Variants in CLASP1 observed in about 807,000 individuals in gnomAD.
CLASP1 encodes the protein cytoplasmic linker associated protein 1.
CLASP1 carries 38 observed loss-of-function variants against 192.3 expected under a neutral mutation model. The observed-to-expected ratio is 0.20, with a 90% CI of 0.15 to 0.26. The LOEUF (loss-of-function observed/expected upper bound fraction) is 0.26, where lower values mean the gene tolerates loss of function less well. Among genes scored for constraint, CLASP1 ranks in the 10% least tolerant of loss-of-function variants. The pLI is 1.00. For synonymous variants in CLASP1, 691 were observed against 712.8 expected (o/e 0.97, Z 0.49); for missense variants, 1,433 against 1,932.5 (o/e 0.74, Z 4.85).
chr2:121,542,773 T>C (rs2095259878), intron 2 of CLASP1, among the ~76,000 whole-genome samples: 1 of 152,228 alleles, frequency 6.6e-6, no homozygotes, highest in South Asian at 2.1e-4. Flanking sequence ...CTATTACCAG[T>C]AATTGTCCAT....
chr2:121,575,962 C>T (rs531365965), intron 2 of CLASP1, among the ~76,000 whole-genome samples: 24 of 152,306 alleles, frequency 1.6e-4, no homozygotes, highest in Admixed American at 1.3e-3. Flanking sequence ...ACTTACGTAG[C>T]TAAGAGCATG....
chr2:121,362,639 G>A (rs562690479), intron 37 of CLASP1, among the ~76,000 whole-genome samples: 154 of 152,332 alleles, frequency 1.0e-3, no homozygotes, highest in Non-Finnish European at 1.8e-3. Context: ...GTTGGCAGGC[G>A]CTGGGCTGGA....
Position 121,574,634 on chromosome 2 carries a change from C to CAA in CLASP1, c.195+31065_195+31066dup, listed in dbSNP as rs1173756631. Among the ~76,000 whole-genome samples, 225 of 78,968 alleles carry CAA rather than the reference C, an allele frequency of 2.8e-3. 1 individual carries two copies. Among genetic ancestry groups the CAA allele is most frequent in the East Asian group, 0.021 (64 of 3,014 alleles). 51.8% of individuals were successfully genotyped at this position (78,968 alleles called of 152,430 possible). A position where few individuals can be genotyped will look rare whatever the true frequency, so the allele number is the denominator to read the frequency against. On this transcript the variant is annotated intron_variant, in intron 2 of 39. Transcript: ENST00000263710. ...TGGGTGACAGAGCAAGACTCCATAT[C>CAA]AAAAAAAAAAAAAAAAAACAAAAAC...
intron 1 of CLASP1, among the ~76,000 whole-genome samples, chr2:121,616,115 T>TAAATTAC (rs1399837972): frequency 7.2e-5 from 11 of 152,094 alleles, no homozygotes; most frequent in Admixed American, 7.2e-4. Context: ...AAGAAGGAAT[T>TAAATTAC]AAATTACCAG....
At chr2:121,484,823 G>T (rs2092858279) in intron 8 of CLASP1, among the ~76,000 whole-genome samples, 2 of 152,198 alleles carry the variant, frequency 1.3e-5, no homozygotes, top group Non-Finnish European at 2.9e-5. Flanking sequence ...CAGGCTAGTT[G>T]CCACCTGACT....
chr2:121,355,882 T>G (rs2065287837), intron 37 of CLASP1, among the ~76,000 whole-genome samples: 1 of 152,244 alleles, frequency 6.6e-6, no homozygotes, highest in African/African-American at 2.4e-5. Context: ...CATCAAAAAC[T>G]ATTCCAATTC....
chr2:121,581,727 A>C (rs1426148519), intron 2 of CLASP1, among the ~76,000 whole-genome samples: 3 of 152,178 alleles, frequency 2.0e-5, no homozygotes, highest in Admixed American at 1.3e-4. Context: ...TCTAAAAACA[A>C]TTTTAAAATT....
At chr2:121,589,049 C>T (rs1211711778) in intron 2 of CLASP1, among the ~76,000 whole-genome samples, 1 of 152,146 alleles carries the variant, frequency 6.6e-6, no homozygotes, top group Admixed American at 6.6e-5. Context: ...TCATAAACAG[C>T]ATGAACACAA....
rs550063068 is a variant in CLASP1, at chr2:121,444,606, A to C, written c.1912+2731T>G. Reference sequence around the variant, plus strand: ...CTAAGGTAGTGCTTCAGGAGTAATAAAACCCAAGACAGGCAGTCCATGAGG... The same window carrying C: ...CTAAGGTAGTGCTTCAGGAGTAATACAACCCAAGACAGGCAGTCCATGAGG... On this transcript the variant is annotated intron_variant, in intron 19 of 39. Transcript: ENST00000263710. 2.1e-3 allele frequency among the ~76,000 whole-genome samples: 321 copies of C among 152,290 alleles called. 1 individual carries two copies. Among genetic ancestry groups the C allele is most frequent in the African/African-American group, 6.2e-3 (259 of 41,550 alleles).
At chr2:121,522,704 GA>G (rs1391335268) in intron 6 of CLASP1, among the ~76,000 whole-genome samples, 1 of 152,140 alleles carries the variant, frequency 6.6e-6, no homozygotes, top group Non-Finnish European at 1.5e-5. Flanking sequence ...TTTTGGTAGT[GA>G]AACTAGTGTC....
chr2:121,517,572 G>A (rs1408189530), intron 6 of CLASP1, among the ~76,000 whole-genome samples: 2 of 152,096 alleles, frequency 1.3e-5, no homozygotes, highest in Non-Finnish European at 2.9e-5. Context: ...ATGCAATTAA[G>A]GGCCGAGCAT....
At chr2:121,566,352 G>A (rs1350706773) in intron 2 of CLASP1, among the ~76,000 whole-genome samples, 4 of 152,142 alleles carry the variant, frequency 2.6e-5, no homozygotes, top group African/African-American at 9.7e-5. Flanking sequence ...AAACTGTATT[G>A]CTCTGTAATG....
At chr2:121,626,715 G>A (rs549327672) in intron 1 of CLASP1, among the ~76,000 whole-genome samples, 16 of 152,160 alleles carry the variant, frequency 1.1e-4, no homozygotes, top group African/African-American at 1.9e-4. Flanking sequence ...GTGAGCCACC[G>A]CACCTGGCCA....
At chr2:121,427,789 A>C (rs1485909805) in intron 20 of CLASP1, among the ~76,000 whole-genome samples, 4 of 152,190 alleles carry the variant, frequency 2.6e-5, no homozygotes, top group African/African-American at 9.7e-5. Flanking sequence ...ATAAACATCA[A>C]CTAACTGAAA....
At chr2:121,548,650 G>A (rs533205705) in intron 2 of CLASP1, among the ~76,000 whole-genome samples, 1 of 152,130 alleles carries the variant, frequency 6.6e-6, no homozygotes, top group South Asian at 2.1e-4. Flanking sequence ...GGATGTTAAA[G>A]GCAGCTAGAG....
At chr2:121,605,784 C>T in exon 2 of CLASP1, 1 of 1,614,016 alleles carries the variant, frequency 6.2e-7, no homozygotes, top group Non-Finnish European at 8.5e-7. Context: ...TCAAGGTCAG[C>T]AGACTTCTGT....
In CLASP1 at chr2:121,507,542, T is replaced by C. The variant is rs2093979169; in HGVS notation, c.645-4308A>G. ...GGTACTTTTCAAAGGACTTTTTGGG[T>C]CAGATACTTTGCCCTAGTTGTTATC... On this transcript the variant is annotated intron_variant, in intron 7 of 39. Coordinates refer to ENST00000263710, the Ensembl canonical transcript of CLASP1. Among the ~76,000 whole-genome samples, 3 of 152,312 alleles carry C rather than the reference T, an allele frequency of 2.0e-5. No individual in the cohort carries two copies. The South Asian group carries it at 6.2e-4, about 32-fold the overall frequency.
intron 30 of CLASP1, among the ~76,000 whole-genome samples, chr2:121,388,446 A>C (rs1307977691): frequency 6.6e-6 from 1 of 152,228 alleles, no homozygotes; most frequent in African/African-American, 2.4e-5. Context: ...TTTGAGAAGC[A>C]AATCAGATTT....
At chr2:121,394,412 G>GT (rs959392658) in intron 30 of CLASP1, among the ~76,000 whole-genome samples, 4 of 152,156 alleles carry the variant, frequency 2.6e-5, no homozygotes, top group Non-Finnish European at 5.9e-5. Flanking sequence ...CTTTCTTTCA[G>GT]TACCTTCAAT....
Sources: gnomAD v4.1 joint callset for allele counts (sites outside exome capture counted in the v4.1 genomes callset) on GRCh38, gnomAD v4.1.1 for gene constraint, MANE v1.5 for transcripts, NCBI Gene and HGNC (gene_info 2026-07-23, HGNC 2026-07-21) for gene names.